The following WWOX variants were observed in gnomAD, a reference collection of about 807,000 sequenced individuals.
The protein encoded by WWOX is WW domain-containing oxidoreductase.
Under a neutral mutation model 46.2 loss-of-function variants are expected in WWOX, and 69 were observed. That is an observed-to-expected ratio of 1.49 (90% confidence interval 1.23 to 1.82). The LOEUF (loss-of-function observed/expected upper bound fraction) is 1.82, where lower values mean the gene tolerates loss of function less well. Among genes scored for constraint, WWOX ranks in the 40% most tolerant of loss-of-function variants. WWOX has a pLI of 0.00. For synonymous variants in WWOX, 359 were observed against 202.6 expected, an observed-to-expected ratio of 1.77 and a Z score of -6.56; for missense variants, 919 against 542.6, an observed-to-expected ratio of 1.69 and a Z score of -6.89.
At chr16:78,512,225 C>T (rs554272520) in intron 8 of WWOX, among the ~76,000 whole-genome samples, 3 of 152,274 alleles carry the variant, frequency 2.0e-5, no homozygotes, top group South Asian at 2.1e-4. Flanking sequence ...GGAGAAGAAA[C>T]TCCCGATATT....
At chr16:78,928,882 C>T (rs191469027) in intron 8 of WWOX, among the ~76,000 whole-genome samples, 8 of 152,210 alleles carry the variant, frequency 5.3e-5, no homozygotes, top group East Asian at 1.9e-4. Context: ...AGGCTTCCTT[C>T]GAGTTAAATT....
At chr16:78,457,512 CT>C (rs1391628928) in intron 8 of WWOX, among the ~76,000 whole-genome samples, 12 of 151,972 alleles carry the variant, frequency 7.9e-5, no homozygotes, top group Admixed American at 3.3e-4. Flanking sequence ...ATTCACCAAT[CT>C]TTTTTTTCCC....
intron 5 of WWOX, among the ~76,000 whole-genome samples, chr16:78,172,364 T>A (rs2035190907): frequency 6.6e-6 from 1 of 152,214 alleles, no homozygotes; most frequent in Admixed American, 6.5e-5. Flanking sequence ...ACCTTTCTTG[T>A]CACAGGCTCA....
At chr16:78,305,939 C>G (rs577444443) in intron 5 of WWOX, among the ~76,000 whole-genome samples, 5 of 151,790 alleles carry the variant, frequency 3.3e-5, no homozygotes, top group Non-Finnish European at 7.4e-5. Flanking sequence ...GTGGTCAGAC[C>G]ACCAAGAATT....
intron 8 of WWOX, among the ~76,000 whole-genome samples, chr16:78,536,397 A>G (rs1009197541): frequency 1.3e-5 from 2 of 151,786 alleles, no homozygotes; most frequent in Non-Finnish European, 2.9e-5. Flanking sequence ...AAGATAATGT[A>G]ATCTGCCCCG....
chr16:78,860,394 T>C (rs1472386151), intron 8 of WWOX, among the ~76,000 whole-genome samples: 1 of 152,206 alleles, frequency 6.6e-6, no homozygotes, highest in Non-Finnish European at 1.5e-5. Context: ...ACTATCTTGA[T>C]GCCTCACATA....
At chr16:78,949,733 G>C (rs909916407) in intron 8 of WWOX, among the ~76,000 whole-genome samples, 1 of 152,130 alleles carries the variant, frequency 6.6e-6, no homozygotes, top group Non-Finnish European at 1.5e-5. Context: ...TCTACCTTGC[G>C]GGGCAAACAC....
At chr16:78,704,159 A>C (rs1198189278) in intron 8 of WWOX, among the ~76,000 whole-genome samples, 1 of 151,624 alleles carries the variant, frequency 6.6e-6, no homozygotes, top group African/African-American at 2.4e-5. Context: ...AACCTCCAGC[A>C]GCTGTGTTCC....
chr16:78,641,088 G>A (rs994553369), intron 8 of WWOX, among the ~76,000 whole-genome samples: 2 of 152,186 alleles, frequency 1.3e-5, no homozygotes, highest in Non-Finnish European at 2.9e-5. Context: ...AAGCTGAGAG[G>A]AGGGTTTGGG....
At chr16:78,250,732 G>A (rs1443943465) in intron 5 of WWOX, among the ~76,000 whole-genome samples, 1 of 152,180 alleles carries the variant, frequency 6.6e-6, no homozygotes, top group South Asian at 2.1e-4. Context: ...AAATGGTCCA[G>A]TGGCAGTAGG....
At chr16:78,643,792 A>G (rs995422149) in intron 8 of WWOX, among the ~76,000 whole-genome samples, 1 of 150,856 alleles carries the variant, frequency 6.6e-6, no homozygotes, top group Non-Finnish European at 1.5e-5. Context: ...CTTGCTCAGC[A>G]GTTGAAATGG....
At chr16:78,178,891 G>A (rs1465477469) in intron 5 of WWOX, among the ~76,000 whole-genome samples, 1 of 151,544 alleles carries the variant, frequency 6.6e-6, no homozygotes, top group Non-Finnish European at 1.5e-5. Context: ...AATCATTTTA[G>A]AATTGCTTTC....
intron 8 of WWOX, among the ~76,000 whole-genome samples, chr16:78,562,999 A>T (rs1436426037): frequency 2.7e-5 from 4 of 150,426 alleles, no homozygotes; most frequent in African/African-American, 7.3e-5. Flanking sequence ...TTTTTTTTTT[A>T]ATCCCTCCCC....
In WWOX at chr16:78,935,456, G is replaced by A. The variant is rs142604441; in HGVS notation, c.1057-276152G>A. 2.2e-4 allele frequency among the ~76,000 whole-genome samples: 34 copies of A among 152,186 alleles called. No individual in the cohort carries two copies. In the Middle Eastern group the frequency reaches 0.014, roughly 61 times the overall value. ...AAGGATGAGTTCATGTCTCTTGTAG[G>A]GACATGGATGAAGCTGGAAACCATC... On this transcript the variant is annotated intron_variant, in intron 8 of 8. Coordinates refer to ENST00000566780, the MANE Select transcript of WWOX (RefSeq NM_016373.4).
chr16:79,096,660 C>T (rs927611655), intron 8 of WWOX, among the ~76,000 whole-genome samples: 24 of 152,298 alleles, frequency 1.6e-4, no homozygotes, highest in Non-Finnish European at 1.3e-4. Flanking sequence ...TGCCATCAAT[C>T]CAAGCACAAT....
At chr16:78,622,270 C>T (rs995176674) in intron 8 of WWOX, among the ~76,000 whole-genome samples, 10 of 152,144 alleles carry the variant, frequency 6.6e-5, no homozygotes, top group African/African-American at 2.4e-4. Flanking sequence ...TGGCTGGTCG[C>T]AGTGGCTCAT....
At chr16:78,245,112 T>C (rs1262469823) in intron 5 of WWOX, among the ~76,000 whole-genome samples, 2 of 152,254 alleles carry the variant, frequency 1.3e-5, no homozygotes, top group African/African-American at 2.4e-5. Flanking sequence ...TCCAGAGATA[T>C]GTATATTTTT....
intron 8 of WWOX, among the ~76,000 whole-genome samples, chr16:78,861,761 C>G (rs1382807888): frequency 6.6e-6 from 1 of 152,024 alleles, no homozygotes. Context: ...TTTGATTTTT[C>G]AAAAGTTGGT....
chr16:78,626,296 A>G (rs1457026481), intron 8 of WWOX, among the ~76,000 whole-genome samples: 1 of 151,936 alleles, frequency 6.6e-6, no homozygotes, highest in East Asian at 1.9e-4. Flanking sequence ...ACGCTCAGCT[A>G]ATTTTTGCAG....
Sources: gnomAD v4.1 joint callset for allele counts (sites outside exome capture counted in the v4.1 genomes callset) on GRCh38, gnomAD v4.1.1 for gene constraint, MANE v1.5 for transcripts, NCBI Gene and HGNC (gene_info 2026-07-23, HGNC 2026-07-21) for gene names.